Variants in TAS1R2 observed in about 807,000 individuals in gnomAD.
TAS1R2 encodes taste receptor type 1 member 2.
A neutral mutation model predicts 49.3 loss-of-function variants in TAS1R2; 47 were observed. The ratio of observed to expected loss-of-function variants is 0.95; its 90% confidence interval spans 0.75 to 1.22. The LOEUF (loss-of-function observed/expected upper bound fraction) is 1.22. Ranked by LOEUF, TAS1R2 falls within the 50% of genes most tolerant of loss-of-function variation. The pLI is 0.00. For synonymous variants in TAS1R2, 479 were observed against 467.9 expected (o/e 1.02, Z -0.31); for missense variants, 1,155 against 1,122.1 (o/e 1.03, Z -0.42).
exon 4 of TAS1R2, chr1:18,849,439 G>T (rs145389646): frequency 1.9e-6 from 3 of 1,614,226 alleles, no homozygotes; most frequent in East Asian, 4.5e-5. Context: ...TTCTGGCTCC[G>T]GTCCCATTGC....
exon 5 of TAS1R2, chr1:18,841,777 A>G: frequency 6.2e-7 from 1 of 1,614,038 alleles, no homozygotes; most frequent in South Asian, 1.1e-5. Context: ...ATGCACTCGA[A>G]GCAGCAGACG....
intron 2 of TAS1R2, among the ~76,000 whole-genome samples, chr1:18,856,315 A>C (rs962662737): frequency 6.7e-6 from 1 of 149,178 alleles, no homozygotes; most frequent in Non-Finnish European, 1.5e-5. Context: ...TCACTCCTTC[A>C]CCTCCCTCAA....
At chr1:18,851,173 C>T (rs1489695330) in intron 3 of TAS1R2, among the ~76,000 whole-genome samples, 3 of 152,082 alleles carry the variant, frequency 2.0e-5, no homozygotes, top group Admixed American at 6.6e-5. Flanking sequence ...GGGCCATATC[C>T]GAGATGCCCG....
In TAS1R2 at chr1:18,854,601, C is replaced by G. The variant is rs368161143; in HGVS notation, c.869G>C (p.Arg290Pro). ...CCACACGGCGCCAGTGAAGTTCTGG[C>G]GCAGCACCTCATTGAAGAAGTGGTA... The change falls in exon 3 of 6, where the codon CGC becomes CCC. Residue 290 changes from arginine to proline, a missense_variant. Transcript: ENST00000375371. The surrounding 1 kb of genome is among the most constrained non-coding windows in gnomAD (Gnocchi z 4.9). 1.9e-6 allele frequency: 3 copies of G among 1,614,034 alleles called. No individual in the cohort carries two copies. The highest frequency in any genetic ancestry group is 1.1e-5 in the South Asian group (1 of 91,082).
chr1:18,843,745 A>T (rs1933869204), intron 4 of TAS1R2, among the ~76,000 whole-genome samples: 1 of 152,238 alleles, frequency 6.6e-6, no homozygotes, highest in South Asian at 2.1e-4. Flanking sequence ...GCTACTCACT[A>T]CTTGAAAATC....
intron 4 of TAS1R2, among the ~76,000 whole-genome samples, chr1:18,846,676 G>T (rs1327259567): frequency 6.6e-6 from 1 of 152,128 alleles, no homozygotes; most frequent in Non-Finnish European, 1.5e-5. Flanking sequence ...GAGGAGGGTG[G>T]GTCCTTAATC....
chr1:18,847,245 G>C (rs560591780), intron 4 of TAS1R2, among the ~76,000 whole-genome samples: 5 of 152,344 alleles, frequency 3.3e-5, no homozygotes, highest in African/African-American at 1.2e-4. Context: ...ACCACCAGGA[G>C]CTTGGGGAGA....
intron 4 of TAS1R2, among the ~76,000 whole-genome samples, chr1:18,842,201 G>C (rs764572405): frequency 2.0e-5 from 3 of 152,162 alleles, no homozygotes; most frequent in Middle Eastern, 3.4e-3. Flanking sequence ...CTTACCTAAG[G>C]GGGTGGGGTG....
chr1:18,855,469 G>A (rs1934123334), intron 2 of TAS1R2, among the ~76,000 whole-genome samples: 1 of 152,076 alleles, frequency 6.6e-6, no homozygotes. Context: ...CAACTCACTG[G>A]GAGTTCCATC....
At chr1:18,851,503 G>A (rs1557598393) in intron 3 of TAS1R2, among the ~76,000 whole-genome samples, 1 of 151,896 alleles carries the variant, frequency 6.6e-6, no homozygotes, top group East Asian at 1.9e-4. Context: ...CTAATTTTTT[G>A]TTTTTTTAGT....
intron 2 of TAS1R2, among the ~76,000 whole-genome samples, chr1:18,856,565 C>T (rs1303692653): frequency 6.6e-6 from 1 of 152,194 alleles, no homozygotes; most frequent in Non-Finnish European, 1.5e-5. Context: ...TAAGTTGTTG[C>T]CAGCTGTATC....
rs936258634 is a variant in TAS1R2 at position 18,847,809 on chromosome 1, T to G, written c.1467+1532A>C. On this transcript the variant is annotated intron_variant, in intron 4 of 5. Coordinates refer to ENST00000375371, the Ensembl canonical transcript of TAS1R2. The stretch of plus-strand genomic sequence containing the variant: ...CTGCTGATAAAGACATACCCAAGAC[T>G]GGACAATTTACAAAAGAAAGAGGTT... Among the ~76,000 whole-genome samples, 3 of 152,308 alleles carry G rather than the reference T, an allele frequency of 2.0e-5. No individual in the cohort carries two copies. In the South Asian group the frequency reaches 6.2e-4, roughly 32 times the overall value.
intron 3 of TAS1R2, among the ~76,000 whole-genome samples, chr1:18,853,830 T>C (rs766128321): frequency 1.4e-4 from 21 of 152,172 alleles, no homozygotes; most frequent in Non-Finnish European, 2.6e-4. Flanking sequence ...ATTTAAAGTC[T>C]ATGTCTGAAC....
At chr1:18,845,443 G>A (rs1173415972) in intron 4 of TAS1R2, among the ~76,000 whole-genome samples, 6 of 152,190 alleles carry the variant, frequency 3.9e-5, no homozygotes, top group Admixed American at 6.5e-5. Context: ...TTGGCTACAT[G>A]CACCATTATT....
intron 4 of TAS1R2, among the ~76,000 whole-genome samples, chr1:18,842,530 T>C (rs1933847581): frequency 6.6e-6 from 1 of 152,270 alleles, no homozygotes; most frequent in Non-Finnish European, 1.5e-5. Context: ...CCAACAACAA[T>C]GTAATGAAAT....
chr1:18,856,044 T>A (rs1934132842), intron 2 of TAS1R2, among the ~76,000 whole-genome samples: 1 of 152,170 alleles, frequency 6.6e-6, no homozygotes, highest in Non-Finnish European at 1.5e-5. Flanking sequence ...CTCACACACA[T>A]GTCAGGTCAC....
rs776008794 is a variant in TAS1R2, at chr1:18,849,412, C to T, written c.1396G>A (p.Ala466Thr). 8.1e-6 allele frequency: 13 copies of T among 1,614,066 alleles called. No individual in the cohort carries two copies. Among genetic ancestry groups the T allele is most frequent in the Admixed American group, 3.3e-5 (2 of 60,008 alleles). The change falls in exon 4 of 6, where the codon GCC becomes ACC. Residue 466 changes from alanine to threonine, a missense_variant. Coordinates refer to ENST00000375371, the Ensembl canonical transcript of TAS1R2. ...TGTCGCTGCAGGGGGTAGTAGGAGG[C>T]GACGCTCTGGAAGGGATTCTGGCTC...
In TAS1R2 at chr1:18,841,805, CT is replaced by C; in HGVS notation, c.1514del (p.Lys505ArgfsTer81). ...AGCAGACGTGGATGCCCACAGGCTT[CT>C]TCTTTTGCCCTGACTGGCACCTCTT... is the stretch of plus-strand genomic sequence containing the variant. On this transcript the variant is annotated frameshift_variant, in exon 5 of 6. Coordinates refer to ENST00000375371, the Ensembl canonical transcript of TAS1R2. LOFTEE classifies it high-confidence loss of function. The C allele has an allele frequency of 9.9e-6, 16 of 1,613,726 alleles. No individual in the cohort carries two copies. Among genetic ancestry groups the C allele is most frequent in the Non-Finnish European group, 1.4e-5 (16 of 1,179,660 alleles).
At position 18,849,817 on chromosome 1, in the gene TAS1R2, C is replaced by T. The variant is rs35484431; in HGVS notation, c.1258-267G>A. On this transcript the variant is annotated intron_variant, in intron 3 of 5. Coordinates refer to ENST00000375371, the Ensembl canonical transcript of TAS1R2. ...TTCTTAACCTCTCTGAACCCGTTTC[C>T]TCTTCTGCAAAGTGGGAGCAATAAA... 4.8e-3 allele frequency among the ~76,000 whole-genome samples: 735 copies of T among 152,302 alleles called. 29 individuals are homozygous for T. In the East Asian group the frequency reaches 0.1, roughly 21 times the overall value.
Sources: gnomAD v4.1 joint callset for allele counts (sites outside exome capture counted in the v4.1 genomes callset) on GRCh38, gnomAD v4.1.1 for gene constraint, Gnocchi (gnomAD v3.1) non-coding constraint, MANE v1.5 for transcripts, NCBI Gene and HGNC (gene_info 2026-07-23, HGNC 2026-07-21) for gene names.